COX15: variants seen among roughly 807,000 people sequenced by gnomAD.
COX15 encodes heme A synthase COX15.
COX15 carries 51 observed loss-of-function variants against 51.9 expected under a neutral mutation model. The ratio of observed to expected loss-of-function variants is 0.98; its 90% CI spans 0.78 to 1.24. The LOEUF (loss-of-function observed/expected upper bound fraction) is 1.24. COX15 is among the 50% of genes most tolerant of loss of function. The pLI, the probability that COX15 is intolerant of heterozygous loss-of-function variation, is 0.00. For missense variants in COX15, 420 were observed against 501.1 expected, an observed-to-expected ratio of 0.84 and a Z score of 1.55; for synonymous variants, 188 against 190.5, an observed-to-expected ratio of 0.99 and a Z score of 0.11.
Position 99,713,149 on chromosome 10 carries a change from C to T in COX15, c.*1438G>A, listed in dbSNP as rs2036449787. 7.5e-7 allele frequency: 1 copy of T among 1,325,104 alleles called. No individual in the cohort carries two copies. Among genetic ancestry groups the T allele is most frequent in the Admixed American group, 3.2e-5 (1 of 30,854 alleles). 82.1% of individuals were successfully genotyped at this position (1,325,104 alleles called of 1,614,324 possible). ...TCTACTGATAAAACCTGAAGTACCA[C>T]TAATTTTTCTGTTATCATATAATAA... On this transcript the variant is annotated 3_prime_UTR_variant, in exon 9 of 9. Transcript: ENST00000016171.
intron 7 of COX15, chr10:99,716,723 G>T: frequency 2.5e-6 from 1 of 393,888 alleles, no homozygotes; most frequent in South Asian, 2.3e-5. Flanking sequence ...CACTCCCAGT[G>T]ATCTCATCCA....
the COX15 span, chr10:99,700,820 C>T: frequency 5.7e-6 from 4 of 700,362 alleles, no homozygotes; most frequent in Middle Eastern, 2.5e-4. Flanking sequence ...AGGGGTATGA[C>T]GCAGTGTTTA....
At chr10:99,709,673 C>T, downstream of COX15, 1 of 985,394 alleles carries the variant, frequency 1.0e-6, no homozygotes, top group Non-Finnish European at 1.2e-6. Flanking sequence ...GTTTGGGTGT[C>T]CCATCTACCC....
In COX15 at chr10:99,714,002, C is replaced by T. The variant is rs191560618; in HGVS notation, c.*585G>A. 82 of 992,758 alleles carry T rather than the reference C, an allele frequency of 8.3e-5. No individual in the cohort carries two copies. In the East Asian group the frequency reaches 5.2e-3, roughly 62 times the overall value. The allele number at this position is 992,758 out of a possible 1,614,324, so 61.5% of individuals were successfully genotyped here. ...AAAAAAAAAAAATGGAACTATTTGGCGATTACCTCCTTTTCCAAGTACTTA... is the reference window on the plus strand; with the variant it reads ...AAAAAAAAAAAATGGAACTATTTGGTGATTACCTCCTTTTCCAAGTACTTA... On this transcript the variant is annotated 3_prime_UTR_variant, in exon 9 of 9. Coordinates refer to ENST00000016171, the MANE Select transcript of COX15 (RefSeq NM_078470.6).
chr10:99,728,466 T>G (rs1434885782), intron 2 of COX15, among the ~76,000 whole-genome samples: 3 of 152,216 alleles, frequency 2.0e-5, no homozygotes, highest in African/African-American at 7.2e-5. Context: ...CAAGTATGTA[T>G]CCTGCCTTTC....
intron 1 of COX15, among the ~76,000 whole-genome samples, chr10:99,730,265 T>C (rs1445825332): frequency 6.6e-6 from 1 of 152,204 alleles, no homozygotes; most frequent in African/African-American, 2.4e-5. Flanking sequence ...ATTTCATCAT[T>C]GTGTGAACCT....
rs994444450 is a variant in COX15, at chr10:99,714,255, G to A, written c.*332C>T. ...ATTAAGGACTCAGGAGAACATCCACGTAGAAATCATCCACGTAGAACCAAG... is the reference window on the plus strand; with the variant it reads ...ATTAAGGACTCAGGAGAACATCCACATAGAAATCATCCACGTAGAACCAAG... On this transcript the variant is annotated 3_prime_UTR_variant, in exon 9 of 9. Coordinates refer to ENST00000016171, the MANE Select transcript of COX15 (RefSeq NM_078470.6). 35 of 1,168,652 alleles carry A rather than the reference G, an allele frequency of 3.0e-5. No individual in the cohort carries two copies. Among genetic ancestry groups the A allele is most frequent in the South Asian group, 9.1e-5 (5 of 55,026 alleles). 72.4% of individuals were successfully genotyped at this position (1,168,652 alleles called of 1,614,324 possible). A position where few individuals can be genotyped will look rare whatever the true frequency, so the allele number is the denominator to read the frequency against.
downstream of COX15, among the ~76,000 whole-genome samples, chr10:99,708,259 T>C (rs951647688): frequency 2.6e-5 from 4 of 152,374 alleles, no homozygotes; most frequent in Admixed American, 2.0e-4. Context: ...CTAGTGTTTT[T>C]AGGCATTAAC....
Position 99,713,732 on chromosome 10 carries a change from A to G in COX15, c.*855T>C, listed in dbSNP as rs1337748672. The G allele has an allele frequency of 7.3e-6, 4 of 546,964 alleles. No homozygotes were observed. Among genetic ancestry groups the G allele is most frequent in the Non-Finnish European group, 1.2e-5 (4 of 329,306 alleles). The allele number at this position is 546,964 out of a possible 1,614,324, so 33.9% of individuals were successfully genotyped here. On this transcript the variant is annotated 3_prime_UTR_variant, in exon 9 of 9. Coordinates refer to ENST00000016171, the MANE Select transcript of COX15 (RefSeq NM_078470.6). Reference sequence around the variant, plus strand: ...TGCCTGTAATCTCAGCACTTTGGGAAGCCGAGATGGGCGGATTACCTGAGG... The same window carrying G: ...TGCCTGTAATCTCAGCACTTTGGGAGGCCGAGATGGGCGGATTACCTGAGG...
the COX15 span, chr10:99,698,599 G>T: frequency 1.9e-6 from 3 of 1,614,182 alleles, no homozygotes; most frequent in Non-Finnish European, 2.5e-6. Flanking sequence ...CTGCCAGTGG[G>T]ACTCACAGAT....
chr10:99,725,774 G>A (rs1351135276), intron 4 of COX15, among the ~76,000 whole-genome samples: 1 of 152,188 alleles, frequency 6.6e-6, no homozygotes, highest in Non-Finnish European at 1.5e-5. Flanking sequence ...TGGCCAGGCT[G>A]GTCTGGAACT....
At chr10:99,704,566 C>A in the COX15 span, 1 of 1,614,192 alleles carries the variant, frequency 6.2e-7, no homozygotes, top group South Asian at 1.1e-5. Context: ...TGGCCATCTT[C>A]CTATACCTTC....
the COX15 span, chr10:99,702,755 T>C: frequency 1.5e-6 from 2 of 1,368,164 alleles, no homozygotes; most frequent in Non-Finnish European, 1.9e-6. Flanking sequence ...TTCTTTTTTT[T>C]TTTAACCAGC....
chr10:99,713,596 G>C lies in COX15; in HGVS notation c.*991C>G. The stretch of plus-strand genomic sequence containing the variant: ...GCCATATTTTTCTTATTACAAAGCT[G>C]TTAGGAAACCCTCTCAGGAACCAAT... On this transcript the variant is annotated 3_prime_UTR_variant, in exon 9 of 9. Transcript: ENST00000016171. 2.0e-6 allele frequency: 3 copies of C among 1,480,976 alleles called. No homozygotes were observed. Among genetic ancestry groups the C allele is most frequent in the East Asian group, 2.5e-5 (1 of 40,376 alleles). The allele number at this position is 1,480,976 out of a possible 1,614,324, so 91.7% of individuals were successfully genotyped here. A position where few individuals can be genotyped will look rare whatever the true frequency, so the allele number is the denominator to read the frequency against.
In COX15 at chr10:99,711,389, C is replaced by G; in HGVS notation, c.*3198G>C. On this transcript the variant is annotated 3_prime_UTR_variant, in exon 9 of 9. Transcript: ENST00000016171. Reference sequence around the variant, plus strand: ...GATCAGGAGAGGATGGTGTGGGAACCTGCCTCAGGAACTACAGTTCCCTTT... The same window carrying G: ...GATCAGGAGAGGATGGTGTGGGAACGTGCCTCAGGAACTACAGTTCCCTTT... 1 of 985,384 alleles carries G rather than the reference C, an allele frequency of 1.0e-6. No homozygotes were observed. The highest frequency in any genetic ancestry group is 1.2e-6 in the Non-Finnish European group (1 of 829,928). The allele number at this position is 985,384 out of a possible 1,614,324, so 61.0% of individuals were successfully genotyped here.
At chr10:99,700,410 GTGTA>G in the COX15 span, among the ~76,000 whole-genome samples, 1,639 of 8,470 alleles carry the variant, frequency 0.19, 36 homozygotes, top group African/African-American at 0.34. Flanking sequence ...GTGTGTGTGT[GTGTA>G]TGTGTGTGTG....
the COX15 span, among the ~76,000 whole-genome samples, chr10:99,694,544 T>G: frequency 6.6e-6 from 1 of 150,750 alleles, no homozygotes; most frequent in African/African-American, 2.4e-5. Context: ...TTTTGTTTTT[T>G]TTTTTTTTTG....
intron 2 of COX15, among the ~76,000 whole-genome samples, chr10:99,729,143 G>C (rs2037053797): frequency 6.6e-6 from 1 of 152,116 alleles, no homozygotes; most frequent in African/African-American, 2.4e-5. Context: ...ATACAATGAG[G>C]GAGCTAGACT....
chr10:99,713,421 T>C lies in COX15; in HGVS notation c.*1166A>G, dbSNP rs146008497. The stretch of plus-strand genomic sequence containing the variant: ...GGTTGCTCCATCCTCAAATCAGATG[T>C]TTCTGATGCCTTCATCCAAATCACT... On this transcript the variant is annotated 3_prime_UTR_variant, in exon 9 of 9. Coordinates refer to ENST00000016171, the MANE Select transcript of COX15 (RefSeq NM_078470.6). The C allele has an allele frequency of 1.4e-5, 22 of 1,613,908 alleles. No homozygotes were observed. In the African/African-American group the frequency reaches 2.8e-4, roughly 21 times the overall value.
Sources: allele counts gnomAD v4.1 joint callset (sites outside exome capture counted in the v4.1 genomes callset), GRCh38; gene constraint gnomAD v4.1.1; transcripts MANE v1.5; gene names NCBI Gene and HGNC (gene_info 2026-07-23, HGNC 2026-07-21).